COP1: variants seen among roughly 807,000 people sequenced by gnomAD.
COP1 encodes E3 ubiquitin-protein ligase COP1.
COP1 carries 24 observed loss-of-function variants against 101.3 expected under a neutral mutation model. The observed-to-expected ratio is 0.24, with a 90% CI of 0.17 to 0.33. The LOEUF (loss-of-function observed/expected upper bound fraction) is 0.33, where lower values mean the gene tolerates loss of function less well. Ranked by LOEUF, COP1 falls within the 10% of genes least tolerant of loss-of-function variation. The pLI is 1.00. For synonymous variants in COP1, 347 were observed against 341.9 expected (o/e 1.01, Z -0.17); for missense variants, 663 against 906.2 (o/e 0.73, Z 3.45).
intron 18 of COP1, among the ~76,000 whole-genome samples, chr1:175,957,153 AAAAT>A (rs145067530): frequency 0.053 from 8,076 of 152,134 alleles, 456 homozygotes; most frequent in Middle Eastern, 0.14. Context: ...AAAACATTTT[AAAAT>A]AAATTAGTGT....
chr1:175,988,394 T>C lies in COP1; in HGVS notation c.1866A>G (p.Leu622=). The part of the protein sequence containing the change: ...EIVSASTDSQ[L]KLWNVGKPYC... ...ATGGTTTCCCTACATTCCACAGTTTTAGCTGACTGTCTGTTGAGCTGAGGA... is the reference window on the plus strand; with the variant it reads ...ATGGTTTCCCTACATTCCACAGTTTCAGCTGACTGTCTGTTGAGCTGAGGA... Residue 622 remains leucine, a synonymous_variant, in exon 17 of 20, where the codon CTA becomes CTG. Transcript: ENST00000367669. 1 of 1,604,264 alleles carries C rather than the reference T, an allele frequency of 6.2e-7. No individual in the cohort carries two copies.
chr1:176,036,573 AG>A, intron 14 of COP1, among the ~76,000 whole-genome samples: 1 of 151,734 alleles, frequency 6.6e-6, no homozygotes, highest in African/African-American at 2.4e-5. Context: ...AAATATAGAC[AG>A]TCCCCAATTT....
At chr1:176,101,542 T>C (rs1683401942) in intron 9 of COP1, among the ~76,000 whole-genome samples, 1 of 152,122 alleles carries the variant, frequency 6.6e-6, no homozygotes, top group Non-Finnish European at 1.5e-5. Flanking sequence ...AAACCTTAAA[T>C]TGGTTGGCTT....
chr1:176,193,865 CAG>C, intron 1 of COP1, among the ~76,000 whole-genome samples: 1 of 152,230 alleles, frequency 6.6e-6, no homozygotes, highest in South Asian at 2.1e-4. Context: ...TGAAAATAGA[CAG>C]TGGTGATGGT....
At chr1:176,111,676 A>G (rs746726443) in intron 9 of COP1, among the ~76,000 whole-genome samples, 8 of 152,194 alleles carry the variant, frequency 5.3e-5, no homozygotes, top group Non-Finnish European at 1.2e-4. Flanking sequence ...TTTGGAAAGT[A>G]TACATTTTAT....
chr1:176,133,200 A>G (rs185283418), intron 8 of COP1, among the ~76,000 whole-genome samples: 1 of 149,996 alleles, frequency 6.7e-6, no homozygotes, highest in African/African-American at 2.5e-5. Flanking sequence ...ACGTATATGT[A>G]CGTATGTACA....
intron 1 of COP1, among the ~76,000 whole-genome samples, chr1:176,202,627 GT>G (rs1700388625): frequency 6.6e-6 from 1 of 151,186 alleles, no homozygotes; most frequent in African/African-American, 2.4e-5. Context: ...GAGCCCAGGA[GT>G]TTGAGACTAG....
chr1:175,954,828 C>G (rs1169912766), intron 18 of COP1, among the ~76,000 whole-genome samples: 1 of 151,856 alleles, frequency 6.6e-6, no homozygotes, highest in Non-Finnish European at 1.5e-5. Context: ...AAAACCTTAA[C>G]AAAATACAAG....
At chr1:175,947,604 AG>A (rs562463947) in intron 18 of COP1, among the ~76,000 whole-genome samples, 61 of 152,234 alleles carry the variant, frequency 4.0e-4, no homozygotes, top group Non-Finnish European at 3.4e-4. Flanking sequence ...TCCCAACCTC[AG>A]GTGATCTGCC....
At chr1:175,993,169 C>A (rs1260562914) in intron 15 of COP1, among the ~76,000 whole-genome samples, 1 of 152,220 alleles carries the variant, frequency 6.6e-6, no homozygotes, top group Admixed American at 6.5e-5. Context: ...TACAACAGAC[C>A]TGCAGCTGAG....
chr1:176,129,595 C>G (rs1057319911), intron 8 of COP1, among the ~76,000 whole-genome samples: 2 of 151,740 alleles, frequency 1.3e-5, no homozygotes, highest in African/African-American at 2.4e-5. Context: ...ACTTATTAGG[C>G]AAATTTAACT....
chr1:176,188,188 A>G (rs1364519688), intron 1 of COP1, among the ~76,000 whole-genome samples: 1 of 152,056 alleles, frequency 6.6e-6, no homozygotes, highest in Non-Finnish European at 1.5e-5. Context: ...ATTTTGTTAT[A>G]GCAGCCTGCA....
At chr1:176,205,061 T>C (rs919078689) in intron 1 of COP1, among the ~76,000 whole-genome samples, 4 of 152,228 alleles carry the variant, frequency 2.6e-5, no homozygotes, top group Admixed American at 2.0e-4. Context: ...CAATGATCGA[T>C]TCCTTATTCC....
intron 11 of COP1, among the ~76,000 whole-genome samples, chr1:176,053,668 C>A (rs1021203309): frequency 6.6e-6 from 1 of 152,176 alleles, no homozygotes; most frequent in Non-Finnish European, 1.5e-5. Flanking sequence ...TTTCTGACAA[C>A]TACTTCCATT....
At chr1:176,065,852 T>A (rs1675862030) in intron 11 of COP1, among the ~76,000 whole-genome samples, 1 of 151,688 alleles carries the variant, frequency 6.6e-6, no homozygotes, top group African/African-American at 2.4e-5. Flanking sequence ...GGATTACAGG[T>A]GCGCACCACC....
At position 176,037,140 on chromosome 1, in the gene COP1, A is replaced by C. The variant is rs544827139; in HGVS notation, c.1612+6046T>G. Among the ~76,000 whole-genome samples the C allele has an allele frequency of 6.6e-5, 10 of 152,266 alleles. No homozygotes were observed. The South Asian group carries it at 2.1e-3, about 32-fold the overall frequency. Reference sequence around the variant, plus strand: ...AGAATAGGCCAGGCGCAGTGGCTCAAGCCTGTAATCCCAGCACTTTGGGAG... The same window carrying C: ...AGAATAGGCCAGGCGCAGTGGCTCACGCCTGTAATCCCAGCACTTTGGGAG... On this transcript the variant is annotated intron_variant, in intron 14 of 19. Coordinates refer to ENST00000367669, the MANE Select transcript of COP1 (RefSeq NM_022457.7).
chr1:176,165,829 G>A (rs972387287), intron 3 of COP1, among the ~76,000 whole-genome samples: 6 of 152,180 alleles, frequency 3.9e-5, no homozygotes, highest in Non-Finnish European at 8.8e-5. Flanking sequence ...TGAAGGGCCT[G>A]AACTGCAGAT....
Position 176,206,552 on chromosome 1 carries a change from G to A in COP1, c.407+20C>T, listed in dbSNP as rs1361262508. The stretch of plus-strand genomic sequence containing the variant: ...AAACTCATAATTTAGGGACAAGGAG[G>A]GAGTGCTCTTCAAACCCACCATACG... On this transcript the variant is annotated intron_variant, in intron 1 of 19. Transcript: ENST00000367669. The A allele has an allele frequency of 6.2e-7, 1 of 1,600,796 alleles. No individual in the cohort carries two copies. The highest frequency in any genetic ancestry group is 8.5e-7 in the Non-Finnish European group (1 of 1,177,372).
At position 175,999,844 on chromosome 1, in the gene COP1, A is replaced by C. The variant is rs186536620; in HGVS notation, c.1730-10365T>G. On this transcript the variant is annotated intron_variant, in intron 15 of 19. Coordinates refer to ENST00000367669, the MANE Select transcript of COP1 (RefSeq NM_022457.7). ...ATATCTCATTGTAGCCATGATTTGC[A>C]TTTCTGATGATCAATGATGTTGAGC... is the stretch of plus-strand genomic sequence containing the variant. 1.6e-3 allele frequency among the ~76,000 whole-genome samples: 250 copies of C among 152,212 alleles called. 2 individuals carry two copies. The highest frequency in any genetic ancestry group is 3.4e-3 in the Admixed American group (52 of 15,272).
Sources: allele counts gnomAD v4.1 joint callset (sites outside exome capture counted in the v4.1 genomes callset), GRCh38; gene constraint gnomAD v4.1.1; transcripts MANE v1.5; gene names NCBI Gene and HGNC (gene_info 2026-07-23, HGNC 2026-07-21).